SLC17A2: variants seen among roughly 807,000 people sequenced by gnomAD.
SLC17A2 encodes the protein solute carrier family 17 member 2.
A neutral mutation model predicts 52.1 loss-of-function variants in SLC17A2; 38 were observed. The ratio of observed to expected loss-of-function variants is 0.73; its 90% CI spans 0.56 to 0.96. SLC17A2 has a LOEUF of 0.96. SLC17A2 is among the 40% of genes least tolerant of loss of function. The probability of loss-of-function intolerance (pLI) is 0.00; values close to 1 mark genes in which losing one functional copy is unlikely to be tolerated. For synonymous variants in SLC17A2, 226 were observed against 211.9 expected, an observed-to-expected ratio of 1.07 and a Z score of -0.58; for missense variants, 508 against 583.9, an observed-to-expected ratio of 0.87 and a Z score of 1.34.
chr6:25,915,317 ATTGTTGTTCTAAAAATGCCACAT>A (rs1172208048), intron 10 of SLC17A2, among the ~76,000 whole-genome samples, 159 bp downstream of exon 10: 2 of 151,556 alleles, frequency 1.3e-5, no homozygotes, highest in Non-Finnish European at 1.5e-5. Context: ...AAGATTGGAA[ATTGTTGTTCTAAAAATGCCACAT>A]TTGTTGTTCT....
In SLC17A2 at chr6:25,914,591, G is replaced by A; in HGVS notation, c.1291C>T (p.Leu431Phe). The change falls in exon 11 of 12, where the codon CTC becomes TTC. Residue 431 changes from leucine to phenylalanine, a missense_variant. Leu to Phe is a conservative substitution (Grantham distance 22). Coordinates refer to ENST00000377850, the MANE Select transcript of SLC17A2 (RefSeq NM_001286123.3). ...GIISSTATGF[L>F]ISQDFESGWR... Reference sequence around the variant, plus strand: ...TAAACTGGCCCAACCTGACTGATGAGGAATCCAGTGGCAGTGGAAGAGATG... The same window carrying A: ...TAAACTGGCCCAACCTGACTGATGAAGAATCCAGTGGCAGTGGAAGAGATG... 1 of 1,609,942 alleles carries A rather than the reference G, an allele frequency of 6.2e-7. No homozygotes were observed. The highest frequency in any genetic ancestry group is 8.5e-7 in the Non-Finnish European group (1 of 1,176,206).
In SLC17A2 at chr6:25,924,042, G is replaced by T. The variant is rs142397216; in HGVS notation, c.29-136C>A. On this transcript the variant is annotated intron_variant, in intron 2 of 11. Transcript: ENST00000377850. The stretch of plus-strand genomic sequence containing the variant: ...TGTCTTTTTTTCACCAAAATAGCCA[G>T]CACTACAAACCCACTTTGTCAAATT... The T allele has an allele frequency of 2.2e-3, 1,523 of 689,430 alleles. 29 individuals are homozygous for T. The highest frequency in any genetic ancestry group is 5.6e-3 in the East Asian group (207 of 37,160). The allele number at this position is 689,430 out of a possible 1,614,324, so 42.7% of individuals were successfully genotyped here.
chr6:25,917,772 A>C (rs1766384219), intron 6 of SLC17A2, among the ~76,000 whole-genome samples: 1 of 152,228 alleles, frequency 6.6e-6, no homozygotes, highest in East Asian at 1.9e-4. Context: ...AAAGATTCTG[A>C]GGACTAGTTT....
At position 25,913,487 on chromosome 6, in the gene SLC17A2, C is replaced by T. The variant is rs373202859; in HGVS notation, c.1303-36G>A. ...AAAACAGAGAAAATGATCAATCTCA[C>T]AAGTTCCTTCTACACCAGTTCTAGT... On this transcript the variant is annotated intron_variant, in intron 11 of 11. Transcript: ENST00000377850. 6.9e-5 allele frequency: 110 copies of T among 1,605,756 alleles called. No homozygotes were observed. The African/African-American group carries it at 1.1e-3, about 16-fold the overall frequency.
chr6:25,926,342 A>T (rs985879839), intron 1 of SLC17A2, among the ~76,000 whole-genome samples: 8 of 152,208 alleles, frequency 5.3e-5, no homozygotes, highest in African/African-American at 1.9e-4. Context: ...GTACCACCAG[A>T]ACAATGTTCC....
intron 1 of SLC17A2, among the ~76,000 whole-genome samples, chr6:25,926,746 G>A (rs1766778317): frequency 6.6e-6 from 1 of 152,066 alleles, no homozygotes; most frequent in Admixed American, 6.6e-5. Context: ...AATCCTTCAA[G>A]ACATCTGAAA....
intron 1 of SLC17A2, 47 bp from the exon 2 acceptor site, chr6:25,925,926 C>A: frequency 9.9e-7 from 1 of 1,008,704 alleles, no homozygotes; most frequent in South Asian, 1.3e-5. Flanking sequence ...ATAATTTCCC[C>A]TTGTTAATGT....
chr6:25,916,004 A>G, intron 8 of SLC17A2, 136 bp from the exon 9 acceptor site: 1 of 699,134 alleles, frequency 1.4e-6, no homozygotes, highest in East Asian at 2.7e-5. Flanking sequence ...CCTTTTTCAC[A>G]CTAAAAGAAC....
chr6:25,923,983 C>T (rs185425752), intron 2 of SLC17A2, 77 bp from the exon 3 acceptor site: 6 of 1,163,358 alleles, frequency 5.2e-6, no homozygotes, highest in Non-Finnish European at 7.5e-6. Flanking sequence ...ACAGCTCGAT[C>T]TGATAGAACT....
chr6:25,924,290 G>A (rs1299926829), intron 2 of SLC17A2, among the ~76,000 whole-genome samples: 4 of 152,192 alleles, frequency 2.6e-5, no homozygotes, highest in Non-Finnish European at 5.9e-5. Context: ...TAAGTGAATA[G>A]TCCCATCTGT....
intron 10 of SLC17A2, among the ~76,000 whole-genome samples, 174 bp from the exon 11 acceptor site, chr6:25,914,844 A>G (rs1766240500): frequency 6.6e-6 from 1 of 152,046 alleles, no homozygotes; most frequent in Non-Finnish European, 1.5e-5. Flanking sequence ...TGAAATTACC[A>G]ATCTACCAAG....
intron 2 of SLC17A2, among the ~76,000 whole-genome samples, chr6:25,925,378 T>A (rs916072407): frequency 6.6e-6 from 1 of 151,604 alleles, no homozygotes. Context: ...CTGGGCATGG[T>A]GGTGTGTGCC....
chr6:25,926,118 T>G lies in SLC17A2; in HGVS notation c.-83-239A>C, dbSNP rs79079832. On this transcript the variant is annotated intron_variant, in intron 1 of 11. Transcript: ENST00000377850. The stretch of plus-strand genomic sequence containing the variant: ...TCTAATCATTCATTTCCTCATCTGT[T>G]CAATAAAGATAAGGCTCCTTTCTTA... Among the ~76,000 whole-genome samples the G allele has an allele frequency of 1.1e-4, 17 of 152,292 alleles. No individual in the cohort carries two copies. The East Asian group carries it at 1.4e-3, about 12-fold the overall frequency.
At chr6:25,924,701 C>T (rs938871688) in intron 2 of SLC17A2, among the ~76,000 whole-genome samples, 4 of 151,300 alleles carry the variant, frequency 2.6e-5, no homozygotes, top group Non-Finnish European at 5.9e-5. Context: ...CCCAGCTACT[C>T]GGGAGGCTGA....
intron 10 of SLC17A2, 27 bp downstream of exon 10, chr6:25,915,472 A>T (rs1766272841): frequency 6.5e-7 from 1 of 1,541,172 alleles, no homozygotes; most frequent in Non-Finnish European, 8.7e-7. Context: ...GGTCTGGAGG[A>T]GGGGAAAAAA....
At chr6:25,925,929 G>A (rs1019868346) in intron 1 of SLC17A2, 50 bp from the exon 2 acceptor site, 1 of 968,688 alleles carries the variant, frequency 1.0e-6, no homozygotes, top group African/African-American at 1.6e-5. Context: ...ATTTCCCCTT[G>A]TTAATGTTGC....
intron 10 of SLC17A2, among the ~76,000 whole-genome samples, chr6:25,915,153 A>ATATATATATATATATATATATATG (rs2151542591): frequency 9.9e-6 from 1 of 101,350 alleles, no homozygotes; most frequent in South Asian, 2.8e-4. Flanking sequence ...GTGACTGTAT[A>ATATATATATATATATATATATATG]TATATATATA....
At chr6:25,914,260 C>T (rs912899464) in intron 11 of SLC17A2, among the ~76,000 whole-genome samples, 7 of 152,164 alleles carry the variant, frequency 4.6e-5, no homozygotes, top group Non-Finnish European at 8.8e-5. Context: ...CCTCTGTCTT[C>T]GTCTCTTGCT....
At chr6:25,915,431 G>A (rs970749754) in intron 10 of SLC17A2, 68 bp downstream of exon 10, 43 of 1,355,410 alleles carry the variant, frequency 3.2e-5, no homozygotes, top group African/African-American at 8.9e-5. Context: ...AGAGTTTCAC[G>A]GCGACCACTG....
Sources: allele counts gnomAD v4.1 joint callset (sites outside exome capture counted in the v4.1 genomes callset), GRCh38; gene constraint gnomAD v4.1.1; transcripts MANE v1.5; gene names NCBI Gene and HGNC (gene_info 2026-07-23, HGNC 2026-07-21).